RAP1GAP2: variants seen among roughly 807,000 people sequenced by gnomAD.
The protein encoded by RAP1GAP2 is rap1 GTPase-activating protein 2.
RAP1GAP2 carries 27 observed loss-of-function variants against 95.0 expected under a neutral mutation model. The ratio of observed to expected loss-of-function variants is 0.28; its 90% confidence interval spans 0.21 to 0.39. The LOEUF is 0.39. Among genes scored for constraint, RAP1GAP2 ranks in the 10% least tolerant of loss-of-function variants. The pLI is 1.00. For synonymous variants in RAP1GAP2, 373 were observed against 380.9 expected (o/e 0.98, Z 0.24); for missense variants, 771 against 970.0 (o/e 0.79, Z 2.72).
chr17:2,815,604 C>CT (rs2069976764), intron 2 of RAP1GAP2, among the ~76,000 whole-genome samples: 1 of 151,962 alleles, frequency 6.6e-6, no homozygotes, highest in South Asian at 2.1e-4. Context: ...GTCTCAGCCT[C>CT]TTGAGTAGCT....
At chr17:2,979,460 G>GTTTTTTTTTTTT in intron 8 of RAP1GAP2, among the ~76,000 whole-genome samples, 1 of 78,606 alleles carries the variant, frequency 1.3e-5, no homozygotes. Context: ...GGCGTGTTCT[G>GTTTTTTTTTTTT]TTTTTTTTTT....
At chr17:2,758,060 G>C (rs1174134349) in intron 1 of RAP1GAP2, among the ~76,000 whole-genome samples, 3 of 150,202 alleles carry the variant, frequency 2.0e-5, no homozygotes, top group Admixed American at 6.7e-5. Context: ...TAGTAGAGAC[G>C]GGGTTTCACC....
chr17:3,002,400 T>C (rs2046191925), intron 14 of RAP1GAP2, among the ~76,000 whole-genome samples: 1 of 152,158 alleles, frequency 6.6e-6, no homozygotes, highest in South Asian at 2.1e-4. Context: ...ACACTGAGGC[T>C]GGAAGGCCAG....
rs1048451333 is a variant in RAP1GAP2 at position 3,005,044 on chromosome 17, C to T, written c.1201-325C>T. ...TGCCTTCTCAGTAGGATTAGCGTCA[C>T]GGTCGAATGAGGTCACGAGATGCCA... On this transcript the variant is annotated intron_variant, in intron 14 of 24. Transcript: ENST00000254695. The surrounding 1 kb of genome is among the most constrained non-coding windows in gnomAD (Gnocchi z 5.2). Among the ~76,000 whole-genome samples the T allele has an allele frequency of 4.6e-5, 7 of 152,028 alleles. No homozygotes were observed. Among genetic ancestry groups the T allele is most frequent in the Non-Finnish European group, 8.8e-5 (6 of 68,016 alleles).
At chr17:2,947,711 C>T (rs1376733856) in intron 3 of RAP1GAP2, among the ~76,000 whole-genome samples, 3 of 151,906 alleles carry the variant, frequency 2.0e-5, no homozygotes, top group East Asian at 1.9e-4. Flanking sequence ...ACTTCTGGAC[C>T]GGTAGCGGAG....
intron 2 of RAP1GAP2, among the ~76,000 whole-genome samples, chr17:2,893,750 G>T (rs1448570768): frequency 1.3e-5 from 2 of 151,848 alleles, no homozygotes; most frequent in Admixed American, 1.3e-4. Flanking sequence ...CAGAGCCGCT[G>T]ACTGCGCCCG....
chr17:2,997,471 C>A (rs929328532), intron 13 of RAP1GAP2, among the ~76,000 whole-genome samples: 4 of 152,208 alleles, frequency 2.6e-5, no homozygotes, highest in African/African-American at 7.2e-5. Context: ...TCTCCCAGAT[C>A]AATGACAGGC....
chr17:2,996,166 A>T (rs953708985), intron 13 of RAP1GAP2, among the ~76,000 whole-genome samples: 2 of 151,968 alleles, frequency 1.3e-5, no homozygotes, highest in East Asian at 3.9e-4. Context: ...CTCATCTCAC[A>T]GGCTCCTCTC....
chr17:2,776,694 CGCG>C (rs1052126611), upstream of RAP1GAP2, among the ~76,000 whole-genome samples: 4 of 149,414 alleles, frequency 2.7e-5, no homozygotes, highest in African/African-American at 7.3e-5. Context: ...GCTGCGCGTG[CGCG>C]GCGGCGGCGG....
At chr17:2,913,295 CT>C (rs916624971) in intron 3 of RAP1GAP2, among the ~76,000 whole-genome samples, 3 of 132,774 alleles carry the variant, frequency 2.3e-5, no homozygotes, top group Non-Finnish European at 1.5e-5. Flanking sequence ...ATTCTGTTCT[CT>C]TTTTTTTTTG....
chr17:2,816,628 T>A (rs1043195869), intron 2 of RAP1GAP2, among the ~76,000 whole-genome samples: 5 of 134,234 alleles, frequency 3.7e-5, no homozygotes, highest in African/African-American at 1.3e-4. Flanking sequence ...AAAGTCTTTT[T>A]AAAAAACTGT....
At chr17:2,848,686 G>A (rs1567706195) in intron 2 of RAP1GAP2, among the ~76,000 whole-genome samples, 3 of 151,882 alleles carry the variant, frequency 2.0e-5, no homozygotes, top group South Asian at 2.1e-4. Context: ...GATGATTTTC[G>A]TATTTTTAGT....
chr17:2,927,391 G>A (rs1162673304), intron 3 of RAP1GAP2, among the ~76,000 whole-genome samples: 3 of 151,594 alleles, frequency 2.0e-5, no homozygotes, highest in South Asian at 2.1e-4. Context: ...CTGACCTCGT[G>A]ATCCGCCCGC....
rs115103585 is a variant in RAP1GAP2 at position 2,825,901 on chromosome 17, C to T, written c.80+25351C>T. On this transcript the variant is annotated intron_variant, in intron 2 of 24. Coordinates refer to ENST00000254695, the MANE Select transcript of RAP1GAP2 (RefSeq NM_015085.5). The surrounding 1 kb of genome is among the most constrained non-coding windows in gnomAD (Gnocchi z 4.1). ...ATGAGGGAAGGCTTCTTGAAGGAGG[C>T]GGCGCTGGAAGGTTGAAAAGGAATC... 2.4e-3 allele frequency among the ~76,000 whole-genome samples: 366 copies of T among 151,556 alleles called. 1 individual carries two copies. Among genetic ancestry groups the T allele is most frequent in the African/African-American group, 8.4e-3 (348 of 41,326 alleles).
intron 1 of RAP1GAP2, among the ~76,000 whole-genome samples, chr17:2,769,542 G>A (rs908052653): frequency 1.6e-4 from 24 of 151,426 alleles, no homozygotes; most frequent in Admixed American, 5.3e-4. Context: ...GTGACAGAGC[G>A]AGACTCCATC....
chr17:2,889,160 T>C (rs760717284), intron 2 of RAP1GAP2, among the ~76,000 whole-genome samples: 2 of 152,192 alleles, frequency 1.3e-5, no homozygotes, highest in Non-Finnish European at 2.9e-5. Flanking sequence ...CCCTCCGTGC[T>C]GTGTTCCATA....
chr17:3,027,049 A>G lies in RAP1GAP2; in HGVS notation c.2086A>G (p.Ile696Val). Residue 696 changes from isoleucine to valine, a missense_variant, in exon 22 of 25, where the codon ATC (isoleucine) becomes GTC (valine). Ile to Val is a conservative substitution (Grantham distance 29, BLOSUM62 3). Coordinates refer to ENST00000254695, the MANE Select transcript of RAP1GAP2 (RefSeq NM_015085.5). The surrounding 1 kb of genome is among the most constrained non-coding windows in gnomAD (Gnocchi z 5.2). ...CCTGGGGGCAGCTGCCACCCCGATC[A>G]TCATGAGCCGGAGTCCCACAGGTCA... is the stretch of plus-strand genomic sequence containing the variant. ...PSLGAAATPIIMSRSPTDAKS... is the reference protein window; with the variant it reads ...PSLGAAATPIVMSRSPTDAKS... 6.3e-7 allele frequency: 1 copy of G among 1,578,840 alleles called. No homozygotes were observed. Among genetic ancestry groups the G allele is most frequent in the Non-Finnish European group, 8.6e-7 (1 of 1,162,812 alleles).
At chr17:3,032,645 G>A (rs1279345612) in intron 24 of RAP1GAP2, among the ~76,000 whole-genome samples, 196 bp downstream of exon 24, 1 of 152,204 alleles carries the variant, frequency 6.6e-6, no homozygotes, top group Non-Finnish European at 1.5e-5. Context: ...GGATGGGAAG[G>A]GGGTTCCCAG....
At chr17:3,016,575 C>T (rs986410946) in intron 17 of RAP1GAP2, among the ~76,000 whole-genome samples, 4 of 152,238 alleles carry the variant, frequency 2.6e-5, no homozygotes, top group Non-Finnish European at 5.9e-5. Context: ...TTGGGCATTC[C>T]TCAGAGGCAG....
Sources: gnomAD v4.1 joint callset for allele counts (sites outside exome capture counted in the v4.1 genomes callset) on GRCh38, gnomAD v4.1.1 for gene constraint, Gnocchi (gnomAD v3.1) non-coding constraint, MANE v1.5 for transcripts, NCBI Gene and HGNC (gene_info 2026-07-23, HGNC 2026-07-21) for gene names.